The following CSRP1 variants were observed in gnomAD, a reference collection of about 807,000 sequenced individuals.
CSRP1 encodes the protein cysteine and glycine rich protein 1.
CSRP1 carries 16 observed loss-of-function variants against 25.4 expected under a neutral mutation model. That is an observed-to-expected ratio of 0.63 (90% CI 0.43 to 0.96). The LOEUF (loss-of-function observed/expected upper bound fraction) is 0.96. Among genes scored for constraint, CSRP1 ranks in the 40% least tolerant of loss-of-function variants. The pLI is 0.00. For synonymous variants in CSRP1, 97 were observed against 95.3 expected (o/e 1.02, Z -0.10); for missense variants, 212 against 243.6 (o/e 0.87, Z 0.86).
At position 201,488,911 on chromosome 1, in the gene CSRP1, A is replaced by G; in HGVS notation, c.355T>C (p.Cys119Arg). The G allele has an allele frequency of 6.2e-7, 1 of 1,614,154 alleles. No homozygotes were observed. The highest frequency in any genetic ancestry group is 8.5e-7 in the Non-Finnish European group (1 of 1,180,018). Residue 119 changes from cysteine (C) to arginine (R), a missense_variant, in exon 4 of 6, where the codon TGC becomes CGC. Coordinates refer to ENST00000340006, the MANE Select transcript of CSRP1 (RefSeq NM_004078.3). ...FAQKIGGSER[C>R]PRCSQAVYAA... ...TAGACTGCCTGGCTGCATCGGGGGCAGCGCTCGGAGCCACCAATCTTCTGG... is the reference window on the plus strand; with the variant it reads ...TAGACTGCCTGGCTGCATCGGGGGCGGCGCTCGGAGCCACCAATCTTCTGG...
intron 4 of CSRP1, chr1:201,487,231 G>A (rs112942368): frequency 7.3e-5 from 16 of 219,918 alleles, no homozygotes; most frequent in Admixed American, 1.8e-4. Flanking sequence ...TGGCCAACAT[G>A]GTCAAACCCC....
chr1:201,489,951 T>G (rs13374558), intron 3 of CSRP1: 13,626 of 487,140 alleles, frequency 0.028, 870 homozygotes, highest in African/African-American at 0.16. Context: ...AAATATAGAA[T>G]GCACGCTCCT....
chr1:201,500,999 C>T (rs549287645), intron 1 of CSRP1, among the ~76,000 whole-genome samples: 38 of 152,254 alleles, frequency 2.5e-4, no homozygotes, highest in African/African-American at 7.9e-4. Flanking sequence ...AGCTGGGATT[C>T]GATCAATATG....
At chr1:201,494,753 T>A (rs61376648) in intron 2 of CSRP1, among the ~76,000 whole-genome samples, 18,592 of 152,266 alleles carry the variant, frequency 0.12, 1,829 homozygotes, top group East Asian at 0.48. Context: ...GATCTCCCCA[T>A]CTTCAGGGGC....
Position 201,484,383 on chromosome 1 carries a change from G to A in CSRP1, c.*330C>T. 4.0e-6 allele frequency: 2 copies of A among 495,576 alleles called. No homozygotes were observed. Among genetic ancestry groups the A allele is most frequent in the South Asian group, 7.2e-5 (2 of 27,756 alleles). The allele number at this position is 495,576 out of a possible 1,614,324, so 30.7% of individuals were successfully genotyped here. A position where few individuals can be genotyped will look rare whatever the true frequency, so the allele number is the denominator to read the frequency against. ...CCAAGATGTGTCCTCAGGTGTCTTGGTCAGCTGATGATGGACACGCAGCAC... is the reference window on the plus strand; with the variant it reads ...CCAAGATGTGTCCTCAGGTGTCTTGATCAGCTGATGATGGACACGCAGCAC... On this transcript the variant is annotated 3_prime_UTR_variant, in exon 6 of 6. Coordinates refer to ENST00000340006, the MANE Select transcript of CSRP1 (RefSeq NM_004078.3).
At chr1:201,489,083 C>T in intron 3 of CSRP1, 99 bp from the exon 4 acceptor site, 1 of 1,504,634 alleles carries the variant, frequency 6.6e-7, no homozygotes, top group Non-Finnish European at 9.1e-7. Context: ...CATGCCAGAG[C>T]AGCGCGCAAT....
intron 1 of CSRP1, 192 bp downstream of exon 1, chr1:201,506,878 C>G (rs1247553938): frequency 6.6e-6 from 1 of 152,374 alleles, no homozygotes; most frequent in Non-Finnish European, 1.5e-5. Flanking sequence ...CCAGGAAGGC[C>G]CGGGATGGGG....
intron 3 of CSRP1, 43 bp from the exon 4 acceptor site, chr1:201,489,027 G>A: frequency 6.2e-7 from 1 of 1,609,760 alleles, no homozygotes; most frequent in South Asian, 1.1e-5. Context: ...TACACTGTAA[G>A]TACAGGTGGG....
At chr1:201,489,895 T>G in intron 3 of CSRP1, 1 of 324,626 alleles carries the variant, frequency 3.1e-6, no homozygotes, top group South Asian at 1.0e-4. Flanking sequence ...AAGAGGAAAT[T>G]GGACTAAGTG....
At chr1:201,504,406 A>G (rs1239364783) in intron 1 of CSRP1, among the ~76,000 whole-genome samples, 1 of 152,254 alleles carries the variant, frequency 6.6e-6, no homozygotes, top group African/African-American at 2.4e-5. Context: ...TCTAACACTT[A>G]TCGTTCAGGT....
At chr1:201,506,245 A>G (rs1664819357) in intron 1 of CSRP1, among the ~76,000 whole-genome samples, 1 of 152,002 alleles carries the variant, frequency 6.6e-6, no homozygotes, top group Admixed American at 6.6e-5. Context: ...CTGCCCATTC[A>G]TTCACTCTCA....
intron 1 of CSRP1, among the ~76,000 whole-genome samples, chr1:201,504,867 G>C (rs1470860005): frequency 6.6e-6 from 1 of 151,966 alleles, no homozygotes; most frequent in Non-Finnish European, 1.5e-5. Context: ...GGGAGGCCGA[G>C]GCAGGTGGAT....
chr1:201,485,405 T>C (rs774917037), intron 4 of CSRP1, 29 bp from the exon 5 acceptor site: 5 of 1,601,268 alleles, frequency 3.1e-6, no homozygotes, highest in Non-Finnish European at 4.3e-6. Flanking sequence ...AGTTAATGGC[T>C]GCCACCAGTG....
intron 1 of CSRP1, 124 bp from the exon 2 acceptor site, chr1:201,496,428 G>A: frequency 5.1e-6 from 4 of 785,936 alleles, no homozygotes; most frequent in South Asian, 4.6e-5. Context: ...ATGCCTGGGG[G>A]GCCACCAGGC....
chr1:201,484,866 C>T lies in CSRP1; in HGVS notation c.506-77G>A, dbSNP rs1344678161. On this transcript the variant is annotated intron_variant, in intron 5 of 5. Coordinates refer to ENST00000340006, the MANE Select transcript of CSRP1 (RefSeq NM_004078.3). ...CACCACCCACCCTCCTGCTGAAGAT[C>T]CCCCACTCCTAGTGCCCAGCCAGAC... The T allele has an allele frequency of 3.0e-6, 4 of 1,313,252 alleles. No homozygotes were observed. The East Asian group carries it at 7.1e-5, about 23-fold the overall frequency. The allele number at this position is 1,313,252 out of a possible 1,614,324, so 81.3% of individuals were successfully genotyped here.
chr1:201,492,110 G>C (rs1254673592), intron 2 of CSRP1: 1 of 152,232 alleles, frequency 6.6e-6, no homozygotes, highest in Non-Finnish European at 1.5e-5. Flanking sequence ...AGGGTGGGAA[G>C]TCAGGAATTG....
chr1:201,501,385 C>T (rs908756001), intron 1 of CSRP1, among the ~76,000 whole-genome samples: 1 of 152,162 alleles, frequency 6.6e-6, no homozygotes, highest in Admixed American at 6.5e-5. Flanking sequence ...GGGTTTAGCT[C>T]CCCCCAGCTG....
intron 1 of CSRP1, among the ~76,000 whole-genome samples, chr1:201,506,325 A>T (rs1664824291): frequency 1.3e-5 from 2 of 152,212 alleles, no homozygotes; most frequent in Non-Finnish European, 2.9e-5. Flanking sequence ...GCTCCAGCCG[A>T]TTCCTGGGTC....
Position 201,483,766 on chromosome 1 carries a change from G to C in CSRP1, c.*947C>G. 2.2e-6 allele frequency: 1 copy of C among 464,874 alleles called. No homozygotes were observed. Among genetic ancestry groups the C allele is most frequent in the Non-Finnish European group, 3.9e-6 (1 of 254,720 alleles). The allele number at this position is 464,874 out of a possible 1,614,324, so 28.8% of individuals were successfully genotyped here. On this transcript the variant is annotated 3_prime_UTR_variant, in exon 6 of 6. Coordinates refer to ENST00000340006, the MANE Select transcript of CSRP1 (RefSeq NM_004078.3). ...GTGGAGTGGAAGAGGCAGGGTCTTG[G>C]GTTAAAGGGAAGATTCTGAGGTCTC...
Sources: allele counts gnomAD v4.1 joint callset (sites outside exome capture counted in the v4.1 genomes callset), GRCh38; gene constraint gnomAD v4.1.1; transcripts MANE v1.5; gene names NCBI Gene and HGNC (gene_info 2026-07-23, HGNC 2026-07-21).